PIGQ: variants seen among roughly 807,000 people sequenced by gnomAD.
The protein encoded by PIGQ is phosphatidylinositol glycan anchor biosynthesis class Q.
A neutral mutation model predicts 60.3 loss-of-function variants in PIGQ; 54 were observed. The observed-to-expected ratio is 0.90, with a 90% CI of 0.72 to 1.12. PIGQ has a LOEUF of 1.12. Among genes scored for constraint, PIGQ ranks in the 50% most tolerant of loss-of-function variants. PIGQ has a pLI of 0.00. For synonymous variants in PIGQ, 416 were observed against 363.7 expected (o/e 1.14, Z -1.64); for missense variants, 799 against 793.5 (o/e 1.01, Z -0.08).
At chr16:578,601 C>T (rs1004135592) in intron 5 of PIGQ, 96 bp downstream of exon 5, 12 of 1,463,896 alleles carry the variant, frequency 8.2e-6, no homozygotes, top group Middle Eastern at 1.9e-4. Flanking sequence ...CCCAACTCTG[C>T]TCCCCAGCGT....
At position 574,585 on chromosome 16, in the gene PIGQ, C is replaced by T. The variant is rs770037553; in HGVS notation, c.511C>T (p.Arg171Cys). 10 of 1,604,428 alleles carry T rather than the reference C, an allele frequency of 6.2e-6. No homozygotes were observed. Among genetic ancestry groups the T allele is most frequent in the African/African-American group, 1.3e-5 (1 of 74,824 alleles). ...GGCTGCCGTCTTCGACACGGTAGCA[C>T]GCAGTGAGGTGCTCTTCCGCAGTGA... The part of the protein sequence containing the change: ...GLAAVFDTVA[R>C]SEVLFRSDRF... Residue 171 changes from arginine (R) to cysteine (C), a missense_variant, in exon 2 of 11, where the codon CGC (arginine) becomes TGC (cysteine). Coordinates refer to ENST00000321878, the MANE Select transcript of PIGQ (RefSeq NM_004204.5).
At chr16:578,716 G>A (rs2035761122) in intron 5 of PIGQ, 69 bp from the exon 6 acceptor site, 3 of 1,543,566 alleles carry the variant, frequency 1.9e-6, no homozygotes, top group Non-Finnish European at 2.7e-6. Context: ...TGTCCTGTGT[G>A]TGTGAGGGTT....
chr16:575,860 G>T lies in PIGQ; in HGVS notation c.711G>T (p.Leu237=). 3 of 1,568,792 alleles carry T rather than the reference G, an allele frequency of 1.9e-6. No individual in the cohort carries two copies. The highest frequency in any genetic ancestry group is 1.7e-6 in the Non-Finnish European group (2 of 1,156,058). The stretch of plus-strand genomic sequence containing the variant: ...GCAGAGTGTTCAAGCTCTGGCCCCT[G>T]TCCTTCCTCGGGAGCAAACTCTCCA... The part of the protein sequence containing the change: ...SACRVFKLWP[L]SFLGSKLSTC... Residue 237 remains leucine, a synonymous_variant, in exon 3 of 11, where the codon CTG becomes CTT. Coordinates refer to ENST00000321878, the MANE Select transcript of PIGQ (RefSeq NM_004204.5).
chr16:571,570 C>CTGTGTGTG (rs1306193658), intron 1 of PIGQ, among the ~76,000 whole-genome samples: 6 of 35,842 alleles, frequency 1.7e-4, no homozygotes, highest in African/African-American at 9.0e-4. Context: ...AGCCTGGTGC[C>CTGTGTGTG]CGTGTGTGTG....
Position 579,098 on chromosome 16 carries a change from C to T in PIGQ, c.1253C>T (p.Ser418Phe), listed in dbSNP as rs144619714. Residue 418 changes from serine to phenylalanine, a missense_variant, in exon 7 of 11, where the codon TCC becomes TTC. Ser to Phe is a radical substitution (Grantham distance 155, BLOSUM62 -2). Coordinates refer to ENST00000321878, the MANE Select transcript of PIGQ (RefSeq NM_004204.5). ...TACTGCCTGAAGATCCATGGCCTGT[C>T]CTCACTGTGGCGTCTGTTCCGGGGG... ...RLYCLKIHGL[S>F]SLWRLFRGKK... 1 of 1,612,864 alleles carries T rather than the reference C, an allele frequency of 6.2e-7. No individual in the cohort carries two copies. Among genetic ancestry groups the T allele is most frequent in the Non-Finnish European group, 8.5e-7 (1 of 1,179,780 alleles).
At chr16:582,749 C>T in intron 10 of PIGQ, 134 bp from the exon 11 acceptor site, 2 of 987,380 alleles carry the variant, frequency 2.0e-6, no homozygotes, top group African/African-American at 1.6e-5. Flanking sequence ...GGAACTGGGA[C>T]TGGCTTCTCC....
chr16:574,049 C>A lies in PIGQ; in HGVS notation c.-9-17C>A, dbSNP rs780890620. On this transcript the variant is annotated splice_polypyrimidine_tract_variant and intron_variant, in intron 1 of 10. Transcript: ENST00000321878. ...GCAGCAGCAGCTCTGAGCCGAGCCT[C>A]TCCTCTTCTCTTCCAGCCTCCCGGC... is the stretch of plus-strand genomic sequence containing the variant. 8 of 1,559,814 alleles carry A rather than the reference C, an allele frequency of 5.1e-6. No individual in the cohort carries two copies. The highest frequency in any genetic ancestry group is 4.1e-5 in the African/African-American group (3 of 73,956).
In PIGQ at chr16:583,657, GCATCGC is replaced by G. The variant is rs746744101; in HGVS notation, c.*625_*630del. Reference sequence around the variant, plus strand: ...TGAAGAAACCATCAGCAGGCTGTGAGCATCGCCAGGCTGCTGTGGGGGCGGGAGCAG... The same window carrying G: ...TGAAGAAACCATCAGCAGGCTGTGAGCAGGCTGCTGTGGGGGCGGGAGCAG... On this transcript the variant is annotated 3_prime_UTR_variant, in exon 11 of 11. Coordinates refer to ENST00000321878, the MANE Select transcript of PIGQ (RefSeq NM_004204.5). 1 of 1,611,372 alleles carries G rather than the reference GCATCGC, an allele frequency of 6.2e-7. No individual in the cohort carries two copies. Among genetic ancestry groups the G allele is most frequent in the South Asian group, 1.1e-5 (1 of 91,070 alleles).
intron 4 of PIGQ, 55 bp downstream of exon 4, chr16:576,309 G>A: frequency 6.6e-7 from 1 of 1,520,512 alleles, no homozygotes; most frequent in Non-Finnish European, 8.8e-7. Context: ...GACCCCTCCT[G>A]GGCAGCAGAG....
Position 582,962 on chromosome 16 carries a change from G to A in PIGQ, c.1673G>A (p.Gly558Asp). 1 of 1,612,998 alleles carries A rather than the reference G, an allele frequency of 6.2e-7. No individual in the cohort carries two copies. Among genetic ancestry groups the A allele is most frequent in the African/African-American group, 1.3e-5 (1 of 75,042 alleles). Residue 558 changes from glycine to aspartate, a missense_variant, in exon 11 of 11, where the codon GGC becomes GAC. Gly to Asp is a moderately conservative substitution (Grantham distance 94). Coordinates refer to ENST00000321878, the MANE Select transcript of PIGQ (RefSeq NM_004204.5). Reference sequence around the variant, plus strand: ...GGCTGCCACCCCAAGCACTCCTGGGGCGCCCTGTGCCGCAAGCTGTTCCTT... The same window carrying A: ...GGCTGCCACCCCAAGCACTCCTGGGACGCCCTGTGCCGCAAGCTGTTCCTT... ...SCGCHPKHSWGALCRKLFLGE... is the reference protein window; with the variant it reads ...SCGCHPKHSWDALCRKLFLGE...
In PIGQ at chr16:580,989, G is replaced by A; in HGVS notation, c.1531+17G>A. The A allele has an allele frequency of 6.6e-7, 1 of 1,523,216 alleles. No homozygotes were observed. The highest frequency in any genetic ancestry group is 9.1e-7 in the Non-Finnish European group (1 of 1,099,000). The allele number at this position is 1,523,216 out of a possible 1,614,324, so 94.4% of individuals were successfully genotyped here. ...GGCTGGCGGGTAAGTGCTGCGTATTGGGCAGCTGGCCCTGGGTAGGTGGAG... is the reference window on the plus strand; with the variant it reads ...GGCTGGCGGGTAAGTGCTGCGTATTAGGCAGCTGGCCCTGGGTAGGTGGAG... On this transcript the variant is annotated intron_variant, in intron 9 of 10. Transcript: ENST00000321878.
chr16:573,714 C>T (rs538891447), intron 1 of PIGQ, among the ~76,000 whole-genome samples: 5 of 152,266 alleles, frequency 3.3e-5, no homozygotes, highest in African/African-American at 7.2e-5. Context: ...GCCTGGAGTT[C>T]GGTTCGGCCC....
Position 584,100 on chromosome 16 carries a change from C to G in PIGQ, c.*1065C>G, listed in dbSNP as rs1346178942. On this transcript the variant is annotated 3_prime_UTR_variant, in exon 11 of 11. Transcript: ENST00000321878. ...GCTGCTGTGACAATAAAACCTGCCC[C>G]GTGTCTGGAGCGCAGGCTCGGTCCC... The G allele has an allele frequency of 7.6e-6, 2 of 264,696 alleles. No individual in the cohort carries two copies. Among genetic ancestry groups the G allele is most frequent in the Non-Finnish European group, 1.5e-5 (2 of 133,412 alleles). 16.4% of individuals were successfully genotyped at this position (264,696 alleles called of 1,614,324 possible).
In PIGQ at chr16:576,044, C is replaced by T. The variant is rs867980784; in HGVS notation, c.821+74C>T. The T allele has an allele frequency of 1.7e-5, 26 of 1,546,738 alleles. No homozygotes were observed. The highest frequency in any genetic ancestry group is 1.7e-4 in the Middle Eastern group (1 of 6,006). The stretch of plus-strand genomic sequence containing the variant: ...CCCTTCTCCATCCCCCTCTGCACCA[C>T]GCTGACCCCTCCGGCCAGGCAGGCC... On this transcript the variant is annotated intron_variant, in intron 3 of 10. Transcript: ENST00000321878.
intron 4 of PIGQ, chr16:578,162 C>T: frequency 1.9e-6 from 1 of 520,840 alleles, no homozygotes; most frequent in East Asian, 3.3e-5. Flanking sequence ...GCCATGTCAC[C>T]CAGGCCTGCA....
intron 2 of PIGQ, 55 bp downstream of exon 2, chr16:574,818 C>T: frequency 1.5e-6 from 2 of 1,346,216 alleles, no homozygotes; most frequent in South Asian, 1.4e-5. Context: ...GAGTGCTGGC[C>T]CATCCCTTTG....
chr16:582,744 TG>T, intron 10 of PIGQ, 138 bp from the exon 11 acceptor site: 1 of 944,030 alleles, frequency 1.1e-6, no homozygotes, highest in Non-Finnish European at 1.6e-6. Context: ...CCTTGGGAAC[TG>T]GGACTGGCTT....
chr16:572,992 C>G (rs916172763), intron 1 of PIGQ, among the ~76,000 whole-genome samples: 1 of 152,348 alleles, frequency 6.6e-6, no homozygotes, highest in Middle Eastern at 3.4e-3. Context: ...CTGAGGAAGG[C>G]GAGCGGCCCA....
At position 580,190 on chromosome 16, in the gene PIGQ, T is replaced by A; in HGVS notation, c.1343T>A (p.Ile448Asn). The change falls in exon 8 of 11, where the codon ATC (isoleucine) becomes AAC (asparagine). Residue 448 changes from isoleucine (I) to asparagine (N), a missense_variant. Transcript: ENST00000321878. ...SCSYDLDQLFIGTLLFTILLF... is the reference protein window; with the variant it reads ...SCSYDLDQLFNGTLLFTILLF... The stretch of plus-strand genomic sequence containing the variant: ...GCTGGCCCCTCCCTACAGCTGTTCA[T>A]CGGGACTCTGCTCTTCACCATCCTG... The A allele has an allele frequency of 1.9e-6, 3 of 1,611,722 alleles. No homozygotes were observed. The highest frequency in any genetic ancestry group is 2.5e-6 in the Non-Finnish European group (3 of 1,178,736).
Sources: gnomAD v4.1 joint callset for allele counts (sites outside exome capture counted in the v4.1 genomes callset) on GRCh38, gnomAD v4.1.1 for gene constraint, MANE v1.5 for transcripts, NCBI Gene and HGNC (gene_info 2026-07-23, HGNC 2026-07-21) for gene names.